KCNQ1: variants seen among roughly 807,000 people sequenced by gnomAD.
KCNQ1 encodes the protein potassium voltage-gated channel subfamily Q member 1, also known as potassium voltage-gated channel subfamily KQT member 1.
KCNQ1 carries 49 observed loss-of-function variants against 72.4 expected under a neutral mutation model. The observed-to-expected ratio is 0.68, with a 90% CI of 0.54 to 0.86. The LOEUF (loss-of-function observed/expected upper bound fraction) is 0.86, where lower values mean the gene tolerates loss of function less well. Among genes scored for constraint, KCNQ1 ranks in the 40% least tolerant of loss-of-function variants. KCNQ1 has a pLI of 0.00. For missense variants in KCNQ1, 790 were observed against 945.1 expected (o/e 0.84, Z 2.15); for synonymous variants, 450 against 412.6 (o/e 1.09, Z -1.10).
At chr11:2,798,140 GCCCAGGCC>G (rs1847177140) in intron 15 of KCNQ1, among the ~76,000 whole-genome samples, 2 of 73,460 alleles carry the variant, frequency 2.7e-5, no homozygotes, top group Admixed American at 3.1e-4. Context: ...CCCACTTGTG[GCCCAGGCC>G]CAAGCAAGCC....
Position 2,723,438 on chromosome 11 carries a change from G to C in KCNQ1, c.1515-45406G>C, listed in dbSNP as rs1265963191. Among the ~76,000 whole-genome samples the C allele has an allele frequency of 6.6e-6, 1 of 152,230 alleles. No homozygotes were observed. The highest frequency in any genetic ancestry group is 1.9e-4 in the East Asian group (1 of 5,198). On this transcript the variant is annotated intron_variant, in intron 11 of 15. Transcript: ENST00000155840. This position sits in a 1 kb window ranked among gnomAD's most constrained non-coding sequence, Gnocchi z 4.2. ...TTCTTGCTGAATGGGCAGGGAGAGA[G>C]GAGCTGTTAGGTGAGACCAGGTGGT...
intron 1 of KCNQ1, among the ~76,000 whole-genome samples, chr11:2,449,996 G>A (rs916644687): frequency 6.6e-6 from 1 of 152,186 alleles, no homozygotes; most frequent in Non-Finnish European, 1.5e-5. Context: ...GAATGCCACC[G>A]GTCCCTGTAG....
In KCNQ1 at chr11:2,547,943, G is replaced by C. The variant is rs187561375; in HGVS notation, c.477+19925G>C. Reference sequence around the variant, plus strand: ...CTGGCGCGGGTGGAGGGAGCTGTGAGGAGCCTGTAGCATTCAGAGACAGGG... The same window carrying C: ...CTGGCGCGGGTGGAGGGAGCTGTGACGAGCCTGTAGCATTCAGAGACAGGG... On this transcript the variant is annotated intron_variant, in intron 2 of 15. Coordinates refer to ENST00000155840, the MANE Select transcript of KCNQ1 (RefSeq NM_000218.3). The surrounding 1 kb of genome is among the most constrained non-coding windows in gnomAD (Gnocchi z 4.2). Among the ~76,000 whole-genome samples the C allele has an allele frequency of 1.8e-4, 27 of 152,364 alleles. No homozygotes were observed. Among genetic ancestry groups the C allele is most frequent in the Non-Finnish European group, 3.7e-4 (25 of 68,034 alleles).
At chr11:2,840,780 T>C (rs1032174534) in intron 15 of KCNQ1, among the ~76,000 whole-genome samples, 2 of 152,220 alleles carry the variant, frequency 1.3e-5, no homozygotes, top group Non-Finnish European at 2.9e-5. Flanking sequence ...TCAATGAACG[T>C]GAAAAGGCCC....
chr11:2,530,883 G>T (rs954147888), intron 2 of KCNQ1, among the ~76,000 whole-genome samples: 2 of 152,152 alleles, frequency 1.3e-5, no homozygotes, highest in African/African-American at 4.8e-5. Flanking sequence ...GTTCATGCCT[G>T]TGCTGTGTGT....
At chr11:2,655,979 C>T in intron 10 of KCNQ1, 1 of 398,672 alleles carries the variant, frequency 2.5e-6, no homozygotes, top group Admixed American at 4.4e-5. Context: ...TCTGGGCAGC[C>T]AACTGATGTG....
chr11:2,837,297 G>A lies in KCNQ1; in HGVS notation c.1795-10470G>A, dbSNP rs543329791. Among the ~76,000 whole-genome samples the A allele has an allele frequency of 1.2e-4, 19 of 152,252 alleles. No homozygotes were observed. The South Asian group carries it at 3.7e-3, about 30-fold the overall frequency. On this transcript the variant is annotated intron_variant, in intron 15 of 15. Coordinates refer to ENST00000155840, the MANE Select transcript of KCNQ1 (RefSeq NM_000218.3). ...GGAGGTGGCCAGAGGCCTCTCAGTG[G>A]TGCCCAGGGAGCTGGGGACGAGGGG...
At chr11:2,666,314 C>G in intron 11 of KCNQ1, 2 of 398,674 alleles carry the variant, frequency 5.0e-6, no homozygotes, top group Non-Finnish European at 8.8e-6. Flanking sequence ...GCTGCAGAGA[C>G]CCCCACCAGG....
chr11:2,590,391 A>G (rs1210936153), intron 10 of KCNQ1, among the ~76,000 whole-genome samples: 1 of 152,244 alleles, frequency 6.6e-6, no homozygotes, highest in Non-Finnish European at 1.5e-5. Flanking sequence ...TGTTCGCAGA[A>G]GCCCCCGTCC....
intron 11 of KCNQ1, chr11:2,681,580 A>T (rs1056469904): frequency 7.5e-6 from 3 of 398,450 alleles, no homozygotes; most frequent in Non-Finnish European, 1.3e-5. Flanking sequence ...CTTTTCAGGA[A>T]GTTTCTAGCT....
At chr11:2,737,419 C>T (rs1189579607) in intron 11 of KCNQ1, among the ~76,000 whole-genome samples, 3 of 152,174 alleles carry the variant, frequency 2.0e-5, no homozygotes, top group South Asian at 2.1e-4. Context: ...CCCCTGGAGG[C>T]CTGCTGGATG....
Position 2,584,988 on chromosome 11 carries a change from G to C in KCNQ1, c.1033-224G>C, listed in dbSNP as rs868509897. Among the ~76,000 whole-genome samples the C allele has an allele frequency of 2.6e-5, 4 of 152,322 alleles. No homozygotes were observed. In the Middle Eastern group the frequency reaches 0.014, roughly 518 times the overall value. On this transcript the variant is annotated intron_variant, in intron 7 of 15. Coordinates refer to ENST00000155840, the MANE Select transcript of KCNQ1 (RefSeq NM_000218.3). Reference sequence around the variant, plus strand: ...AATGGGTTAGAGCGGCTGCAGCCCTGCCCCATGGGACTGGGCCCCTTGCTG... The same window carrying C: ...AATGGGTTAGAGCGGCTGCAGCCCTCCCCCATGGGACTGGGCCCCTTGCTG...
Position 2,592,613 on chromosome 11 carries a change from T to C in KCNQ1, c.1393+3759T>C, listed in dbSNP as rs905499394. Among the ~76,000 whole-genome samples, 2 of 152,168 alleles carry C rather than the reference T, an allele frequency of 1.3e-5. No homozygotes were observed. The highest frequency in any genetic ancestry group is 4.8e-5 in the African/African-American group (2 of 41,452). On this transcript the variant is annotated intron_variant, in intron 10 of 15. Coordinates refer to ENST00000155840, the MANE Select transcript of KCNQ1 (RefSeq NM_000218.3). This position sits in a 1 kb window ranked among gnomAD's most constrained non-coding sequence, Gnocchi z 5.2. ...TTTGCAGTGAAGCGTCACAGACTCC[T>C]CATGAAGGATGCATGGGGACCCAAC...
At chr11:2,532,987 G>C (rs975340121) in intron 2 of KCNQ1, among the ~76,000 whole-genome samples, 2 of 152,174 alleles carry the variant, frequency 1.3e-5, no homozygotes, top group African/African-American at 4.8e-5. Flanking sequence ...TGCAACTCAG[G>C]AGCTGCTGGC....
At chr11:2,760,008 G>A (rs935705119) in intron 11 of KCNQ1, among the ~76,000 whole-genome samples, 21 of 152,326 alleles carry the variant, frequency 1.4e-4, no homozygotes, top group Admixed American at 5.9e-4. Context: ...AGGTCGGCCC[G>A]CCATGGGCAG....
intron 2 of KCNQ1, among the ~76,000 whole-genome samples, chr11:2,548,838 A>G (rs1398752134): frequency 2.0e-5 from 3 of 152,220 alleles, no homozygotes; most frequent in Admixed American, 1.3e-4. Flanking sequence ...GACTTGGCCC[A>G]GGTGGGTGGG....
chr11:2,846,319 G>A (rs976597887), intron 15 of KCNQ1, among the ~76,000 whole-genome samples: 20 of 152,182 alleles, frequency 1.3e-4, no homozygotes, highest in Admixed American at 9.2e-4. Flanking sequence ...CAGCTCTGCT[G>A]TTCAGCCCTT....
chr11:2,696,052 T>C, intron 11 of KCNQ1: 1 of 398,630 alleles, frequency 2.5e-6, no homozygotes. Flanking sequence ...AGTATTATTA[T>C]GAAAACAGTC....
chr11:2,848,337 G>T lies in KCNQ1; in HGVS notation c.*334G>T. On this transcript the variant is annotated 3_prime_UTR_variant, in exon 16 of 16. Transcript: ENST00000155840. The stretch of plus-strand genomic sequence containing the variant: ...GGCCTGGCCCATGTATGGCCAGGAA[G>T]TAGCACAGGCTGAGTGCAGGCCCAC... 1.7e-6 allele frequency: 1 copy of T among 578,748 alleles called. No individual in the cohort carries two copies. The highest frequency in any genetic ancestry group is 3.3e-6 in the Non-Finnish European group (1 of 306,542). 35.9% of individuals were successfully genotyped at this position (578,748 alleles called of 1,614,324 possible).
Sources: allele counts gnomAD v4.1 joint callset (sites outside exome capture counted in the v4.1 genomes callset), GRCh38; gene constraint gnomAD v4.1.1; non-coding constraint Gnocchi (gnomAD v3.1); transcripts MANE v1.5; gene names NCBI Gene and HGNC (gene_info 2026-07-23, HGNC 2026-07-21).